The following LAMB1 variants were observed in gnomAD, a reference collection of about 807,000 sequenced individuals.
The protein encoded by LAMB1 is laminin subunit beta 1, also known as laminin subunit beta-1.
LAMB1 carries 121 observed loss-of-function variants against 222.3 expected under a neutral mutation model. That is an observed-to-expected ratio of 0.54 (90% confidence interval 0.47 to 0.63). The LOEUF (loss-of-function observed/expected upper bound fraction) is 0.63. Ranked by LOEUF, LAMB1 falls within the 30% of genes least tolerant of loss-of-function variation. LAMB1 has a pLI of 0.00. For missense variants in LAMB1, 2,172 were observed against 2,240.8 expected, an observed-to-expected ratio of 0.97 and a Z score of 0.62; for synonymous variants, 794 against 807.2, an observed-to-expected ratio of 0.98 and a Z score of 0.28.
chr7:107,959,565 T>G lies in LAMB1; in HGVS notation c.2459-85A>C, dbSNP rs1297215042. On this transcript the variant is annotated intron_variant, in intron 19 of 33. Transcript: ENST00000222399. ...CTTTTATAAGCACCCTGTCCCCAAT[T>G]CAGAATGCTCATGGGTTGGTGTGAT... 3 of 1,606,948 alleles carry G rather than the reference T, an allele frequency of 1.9e-6. No homozygotes were observed. In the South Asian group the frequency reaches 3.3e-5, roughly 18 times the overall value.
Position 107,953,740 on chromosome 7 carries a change from C to T in LAMB1, c.2869G>A (p.Asp957Asn), listed in dbSNP as rs61751041. Reference protein sequence around the residue: ...DPGYIGSRCDDCASGYFGNPS... With the variant: ...DPGYIGSRCDNCASGYFGNPS... Reference sequence around the variant, plus strand: ...TTGCCAAAGTATCCTGAGGCACAGTCGTCACATCTGGAACCTGTCACCCGA... The same window carrying T: ...TTGCCAAAGTATCCTGAGGCACAGTTGTCACATCTGGAACCTGTCACCCGA... The change falls in exon 22 of 34, where the codon GAC becomes AAC. Residue 957 changes from aspartate (D) to asparagine (N), a missense_variant. By Grantham distance (23) the Asp-to-Asn change is conservative. Transcript: ENST00000222399. 32,257 of 1,613,944 alleles carry T rather than the reference C, an allele frequency of 0.02. 360 individuals carry two copies. Among genetic ancestry groups the T allele is most frequent in the Non-Finnish European group, 0.024 (27,866 of 1,179,862 alleles).
chr7:107,970,046 G>C (rs966068572), intron 13 of LAMB1, among the ~76,000 whole-genome samples: 10 of 152,192 alleles, frequency 6.6e-5, no homozygotes, highest in African/African-American at 2.4e-4. Flanking sequence ...ACCGTGCTGG[G>C]TGCCAAGTGA....
At chr7:107,926,127 A>T (rs1445660524) in intron 32 of LAMB1, 56 bp downstream of exon 32, 9 of 1,375,878 alleles carry the variant, frequency 6.5e-6, no homozygotes, top group Non-Finnish European at 9.3e-6. Context: ...GCAGGCAAGG[A>T]GGAGACTGGT....
At chr7:107,975,157 C>T in intron 11 of LAMB1, 59 bp from the exon 12 acceptor site, 1 of 1,558,646 alleles carries the variant, frequency 6.4e-7, no homozygotes, top group Admixed American at 1.7e-5. Flanking sequence ...AAATAATAAT[C>T]TGGCTTTGGA....
rs375515957 is a variant in LAMB1, at chr7:107,937,013, T to C, written c.3946+80A>G. ...AAATTTATTAGAAAACTTTTTTTTT[T>C]CCCCAAAAGTGCTATATTAAAACGT... On this transcript the variant is annotated intron_variant, in intron 26 of 33. Coordinates refer to ENST00000222399, the MANE Select transcript of LAMB1 (RefSeq NM_002291.3). 1.1e-4 allele frequency: 120 copies of C among 1,098,628 alleles called. 1 individual carries two copies. The highest frequency in any genetic ancestry group is 1.1e-3 in the Middle Eastern group (5 of 4,726). 68.1% of individuals were successfully genotyped at this position (1,098,628 alleles called of 1,614,324 possible). A position where few individuals can be genotyped will look rare whatever the true frequency, so the allele number is the denominator to read the frequency against.
intron 13 of LAMB1, among the ~76,000 whole-genome samples, chr7:107,971,882 T>G (rs1209724372): frequency 6.6e-6 from 1 of 152,190 alleles, no homozygotes; most frequent in Admixed American, 6.5e-5. Flanking sequence ...TTTGGGGAAT[T>G]GCATATGCCA....
chr7:107,960,392 G>A lies in LAMB1; in HGVS notation c.2314+53C>T, dbSNP rs1337079552. On this transcript the variant is annotated intron_variant, in intron 18 of 33. Transcript: ENST00000222399. The stretch of plus-strand genomic sequence containing the variant: ...GCACTCCACTGTACTTCATGTGCCA[G>A]ATATACTCAGAGCCAGAAACAGCAG... 7 of 1,411,256 alleles carry A rather than the reference G, an allele frequency of 5.0e-6. No homozygotes were observed. The Admixed American group carries it at 6.7e-5, about 14-fold the overall frequency. The allele number at this position is 1,411,256 out of a possible 1,614,324, so 87.4% of individuals were successfully genotyped here. A position where few individuals can be genotyped will look rare whatever the true frequency, so the allele number is the denominator to read the frequency against.
rs2033443420 is a variant in LAMB1, at chr7:107,959,331, T to G, written c.2608A>C (p.Asn870His). 1 of 1,614,136 alleles carries G rather than the reference T, an allele frequency of 6.2e-7. No homozygotes were observed. The highest frequency in any genetic ancestry group is 8.5e-7 in the Non-Finnish European group (1 of 1,180,054). Residue 870 changes from asparagine to histidine, a missense_variant, in exon 20 of 34, where the codon AAT becomes CAT. Asn to His is a moderately conservative substitution (Grantham distance 68). Transcript: ENST00000222399. ...GFPSCQPCQC[N>H]GHADDCDPVT... is the part of the protein sequence containing the mutation. Reference sequence around the variant, plus strand: ...GGGTCGCAGTCATCGGCGTGGCCATTGCACTGGCAGGGCTGGCAACTTGGA... The same window carrying G: ...GGGTCGCAGTCATCGGCGTGGCCATGGCACTGGCAGGGCTGGCAACTTGGA...
intron 20 of LAMB1, among the ~76,000 whole-genome samples, chr7:107,957,728 T>C (rs2033408329): frequency 6.6e-6 from 1 of 152,196 alleles, no homozygotes; most frequent in African/African-American, 2.4e-5. Flanking sequence ...TGCCTCCCCT[T>C]GGGGACAATC....
intron 6 of LAMB1, 34 bp downstream of exon 6, chr7:107,986,141 G>GC (rs1363414011): frequency 1.2e-6 from 2 of 1,610,176 alleles, no homozygotes; most frequent in Non-Finnish European, 1.7e-6. Context: ...AAGTAGATTT[G>GC]CAAGTAGAAT....
At chr7:107,964,169 A>G (rs889132216) in intron 14 of LAMB1, among the ~76,000 whole-genome samples, 2 of 152,196 alleles carry the variant, frequency 1.3e-5, no homozygotes, top group East Asian at 3.8e-4. Flanking sequence ...TGTTTCAGCC[A>G]CCCCAGCTCA....
At chr7:107,941,513 C>A (rs1227512047) in intron 24 of LAMB1, among the ~76,000 whole-genome samples, 1 of 152,168 alleles carries the variant, frequency 6.6e-6, no homozygotes, top group African/African-American at 2.4e-5. Context: ...CAATCAGAAT[C>A]CAAACGTCTT....
intron 14 of LAMB1, 105 bp downstream of exon 14, chr7:107,964,447 C>A (rs2033582614): frequency 1.5e-6 from 2 of 1,358,386 alleles, no homozygotes; most frequent in Non-Finnish European, 2.1e-6. Context: ...TGCTCACTGA[C>A]AAAGCTATAA....
chr7:107,989,040 A>T (rs1289430176), intron 5 of LAMB1, among the ~76,000 whole-genome samples: 1 of 152,206 alleles, frequency 6.6e-6, no homozygotes, highest in Non-Finnish European at 1.5e-5. Context: ...CAGAGCTTAG[A>T]TTCAAATCCA....
intron 2 of LAMB1, chr7:108,002,322 C>T (rs1487763624): frequency 5.3e-6 from 7 of 1,313,844 alleles, no homozygotes; most frequent in African/African-American, 1.6e-5. Context: ...ATGGACAGTC[C>T]CTGGGGCTCT....
intron 17 of LAMB1, 106 bp from the exon 18 acceptor site, chr7:107,960,755 C>A (rs2033481105): frequency 2.3e-6 from 2 of 865,276 alleles, no homozygotes; most frequent in Admixed American, 2.1e-5. Flanking sequence ...GACCCTTGAA[C>A]AGAAATCATT....
intron 14 of LAMB1, 47 bp downstream of exon 14, chr7:107,964,505 A>G (rs1433370913): frequency 4.3e-6 from 7 of 1,610,912 alleles, no homozygotes; most frequent in Admixed American, 3.3e-5. Context: ...GTTCCACTAC[A>G]CCCCAAAACA....
chr7:107,935,564 C>T lies in LAMB1; in HGVS notation c.4039G>A (p.Glu1347Lys). 6.2e-7 allele frequency: 1 copy of T among 1,613,922 alleles called. No individual in the cohort carries two copies. The highest frequency in any genetic ancestry group is 8.5e-7 in the Non-Finnish European group (1 of 1,179,984). Residue 1347 changes from glutamate (E) to lysine (K), a missense_variant, in exon 27 of 34, where the codon GAG (glutamate) becomes AAG (lysine). Physicochemically the swap from Glu to Lys is moderately conservative, Grantham distance 56. Transcript: ENST00000222399. ...ASTTEPNSTVEQSALMRDRVE... is the reference protein window; with the variant it reads ...ASTTEPNSTVKQSALMRDRVE... ...CTGTCTCTCATGAGGGCTGACTGCTCCACAGTGCTGTTGGGTTCTGTGGTG... is the reference window on the plus strand; with the variant it reads ...CTGTCTCTCATGAGGGCTGACTGCTTCACAGTGCTGTTGGGTTCTGTGGTG...
At chr7:107,965,414 T>C (rs1394837974) in intron 13 of LAMB1, among the ~76,000 whole-genome samples, 1 of 152,104 alleles carries the variant, frequency 6.6e-6, no homozygotes, top group Non-Finnish European at 1.5e-5. Context: ...ACCCCATCTC[T>C]ACTAAAAATA....
Sources: allele counts gnomAD v4.1 joint callset (sites outside exome capture counted in the v4.1 genomes callset), GRCh38; gene constraint gnomAD v4.1.1; transcripts MANE v1.5; gene names NCBI Gene and HGNC (gene_info 2026-07-23, HGNC 2026-07-21).